Variants in OR56A3 observed in about 807,000 individuals in gnomAD.
The protein encoded by OR56A3 is olfactory receptor family 56 subfamily A member 3.
A neutral mutation model predicts 17.5 loss-of-function variants in OR56A3; 23 were observed. The observed-to-expected ratio is 1.32, with a 90% CI of 0.95 to 1.87. The LOEUF (loss-of-function observed/expected upper bound fraction) is 1.87, where lower values mean the gene tolerates loss of function less well. OR56A3 is among the 40% of genes most tolerant of loss of function. The pLI is 0.00. For synonymous variants in OR56A3, 175 were observed against 150.6 expected (o/e 1.16, Z -1.19); for missense variants, 366 against 380.1 (o/e 0.96, Z 0.31).
At chr11:5,972,203 A>G in the OR56A3 span, among the ~76,000 whole-genome samples, 9 of 152,190 alleles carry the variant, frequency 5.9e-5, no homozygotes, top group Non-Finnish European at 1.3e-4. Flanking sequence ...TTCTGGGCAC[A>G]CATGCATGAA....
At chr11:5,973,100 A>G in the OR56A3 span, among the ~76,000 whole-genome samples, 1 of 152,016 alleles carries the variant, frequency 6.6e-6, no homozygotes, top group Non-Finnish European at 1.5e-5. Flanking sequence ...ATTCAACTCC[A>G]CTATTTGATA....
chr11:6,004,880 C>T, the OR56A3 span, among the ~76,000 whole-genome samples: 12 of 152,250 alleles, frequency 7.9e-5, no homozygotes, highest in African/African-American at 2.4e-5. Context: ...GACAGCAGTA[C>T]GTTGCATAAT....
At chr11:5,996,594 G>A in the OR56A3 span, among the ~76,000 whole-genome samples, 7 of 151,486 alleles carry the variant, frequency 4.6e-5, no homozygotes, top group Admixed American at 2.0e-4. Context: ...TAAGAGCACC[G>A]TTCTTTCACA....
At chr11:6,019,044 C>CA in the OR56A3 span, among the ~76,000 whole-genome samples, 2 of 150,956 alleles carry the variant, frequency 1.3e-5, no homozygotes, top group African/African-American at 2.4e-5. Context: ...AGCCTGCCAA[C>CA]AAAAAAAAGC....
At chr11:6,013,951 TACCC>T in the OR56A3 span, among the ~76,000 whole-genome samples, 1 of 152,112 alleles carries the variant, frequency 6.6e-6, no homozygotes, top group Non-Finnish European at 1.5e-5. Context: ...CAATGCATGC[TACCC>T]AGAGGCCCAA....
the OR56A3 span, among the ~76,000 whole-genome samples, chr11:6,004,278 TG>T: frequency 6.6e-5 from 10 of 151,852 alleles, no homozygotes; most frequent in Non-Finnish European, 8.8e-5. Flanking sequence ...GAACCAGACC[TG>T]GGGGGCGGAG....
the OR56A3 span, among the ~76,000 whole-genome samples, chr11:5,971,789 G>A: frequency 6.6e-6 from 1 of 152,078 alleles, no homozygotes. Flanking sequence ...TTTGAATATT[G>A]TGTCCAATTC....
At chr11:5,970,249 T>C in the OR56A3 span, among the ~76,000 whole-genome samples, 1 of 152,154 alleles carries the variant, frequency 6.6e-6, no homozygotes, top group East Asian at 1.9e-4. Flanking sequence ...GGAGAATATA[T>C]AAATTAAAGA....
chr11:5,967,943 G>T, the OR56A3 span: 2 of 1,595,330 alleles, frequency 1.3e-6, no homozygotes, highest in South Asian at 2.3e-5. Flanking sequence ...ACACAGACAC[G>T]TTAGTACAGA....
the OR56A3 span, among the ~76,000 whole-genome samples, chr11:6,016,141 T>C: frequency 6.6e-6 from 1 of 152,118 alleles, no homozygotes; most frequent in Non-Finnish European, 1.5e-5. Flanking sequence ...ATAGTAAATA[T>C]TATCATGAGA....
the OR56A3 span, chr11:5,986,911 A>G: frequency 6.2e-7 from 1 of 1,612,734 alleles, no homozygotes; most frequent in East Asian, 2.2e-5. Flanking sequence ...GAGGAAAGAG[A>G]AAAAAGAAAC....
the OR56A3 span, among the ~76,000 whole-genome samples, chr11:5,965,008 C>T: frequency 2.0e-5 from 3 of 152,086 alleles, no homozygotes; most frequent in African/African-American, 7.2e-5. Context: ...GTTTTCTTAG[C>T]TCTTGTAAAG....
chr11:6,013,212 C>T, the OR56A3 span, among the ~76,000 whole-genome samples: 1 of 152,248 alleles, frequency 6.6e-6, no homozygotes, highest in Non-Finnish European at 1.5e-5. Context: ...ATGGAGCATG[C>T]AGCCTCAGCC....
the OR56A3 span, among the ~76,000 whole-genome samples, chr11:5,993,475 T>G: frequency 1.3e-5 from 2 of 152,204 alleles, no homozygotes; most frequent in South Asian, 4.1e-4. Flanking sequence ...GTTTTCCTAA[T>G]GAGTGTTGGA....
At chr11:5,973,962 T>A in the OR56A3 span, among the ~76,000 whole-genome samples, 1 of 152,222 alleles carries the variant, frequency 6.6e-6, no homozygotes, top group East Asian at 1.9e-4. Flanking sequence ...CTCCAGTGCT[T>A]ACTAAGTTTG....
At chr11:5,952,590 T>C (rs1362781345), downstream of OR56A3, among the ~76,000 whole-genome samples, 2 of 152,070 alleles carry the variant, frequency 1.3e-5, no homozygotes, top group African/African-American at 4.8e-5. Flanking sequence ...GGGGGGGTTG[T>C]AGTAAATAGG....
the OR56A3 span, among the ~76,000 whole-genome samples, chr11:5,973,847 A>C: frequency 6.6e-6 from 1 of 152,200 alleles, no homozygotes; most frequent in Non-Finnish European, 1.5e-5. Flanking sequence ...ATGGAGGGAC[A>C]AGATTGGGTA....
At chr11:6,003,079 T>A in the OR56A3 span, 1 of 1,609,936 alleles carries the variant, frequency 6.2e-7, no homozygotes, top group South Asian at 1.1e-5. Context: ...ATTCTAGACG[T>A]AGTAGAGTGT....
At chr11:6,007,934 A>G in the OR56A3 span, among the ~76,000 whole-genome samples, 2 of 152,080 alleles carry the variant, frequency 1.3e-5, no homozygotes, top group African/African-American at 4.8e-5. Flanking sequence ...CATGTCCAAG[A>G]TTTTATCTTC....
Sources: allele counts gnomAD v4.1 joint callset (sites outside exome capture counted in the v4.1 genomes callset), GRCh38; gene constraint gnomAD v4.1.1; transcripts MANE v1.5; gene names NCBI Gene and HGNC (gene_info 2026-07-23, HGNC 2026-07-21).